Variants in ANKRD36 observed in about 807,000 individuals in gnomAD.
ANKRD36 encodes the protein ankyrin repeat domain 36, also known as ankyrin repeat domain-containing protein 36A.
In ANKRD36, 179 loss-of-function variants were observed where a neutral mutation model predicts 278.1. The observed-to-expected ratio is 0.64, with a 90% CI of 0.57 to 0.73. The LOEUF (loss-of-function observed/expected upper bound fraction) is 0.73. Ranked by LOEUF, ANKRD36 falls within the 30% of genes least tolerant of loss-of-function variation. The pLI is 0.00. For synonymous variants in ANKRD36, 320 were observed against 641.1 expected (o/e 0.50, Z 7.57); for missense variants, 1,159 against 1,956.7 (o/e 0.59, Z 7.69).
chr2:97,183,913 C>T (rs1165945174), intron 28 of ANKRD36, among the ~76,000 whole-genome samples: 1 of 151,402 alleles, frequency 6.6e-6, no homozygotes, highest in Non-Finnish European at 1.5e-5. Flanking sequence ...ATAAGAGGAT[C>T]GGAGGACAGC....
At chr2:97,159,977 G>A (rs1428899299) in intron 17 of ANKRD36, among the ~76,000 whole-genome samples, 1 of 152,250 alleles carries the variant, frequency 6.6e-6, no homozygotes. Context: ...TAGAGACGGG[G>A]TTTCACTGTG....
intron 68 of ANKRD36, among the ~76,000 whole-genome samples, chr2:97,240,963 TATGCAATCAC>T (rs2074220284): frequency 7.3e-6 from 1 of 136,906 alleles, no homozygotes; most frequent in South Asian, 3.0e-4. Flanking sequence ...CAAATTATCT[TATGCAATCAC>T]ATAACTATGT....
chr2:97,191,576 A>G (rs1231518123), intron 36 of ANKRD36, among the ~76,000 whole-genome samples: 1 of 151,638 alleles, frequency 6.6e-6, no homozygotes, highest in Admixed American at 6.6e-5. Context: ...AATAACCCAT[A>G]GACACTGTAG....
chr2:97,209,842 GA>G lies in ANKRD36; in HGVS notation c.3344del (p.Lys1115ArgfsTer17), dbSNP rs764622473. On this transcript the variant is annotated frameshift_variant, in exon 56 of 76. Coordinates refer to ENST00000420699, the MANE Select transcript of ANKRD36 (RefSeq NM_001354587.1). LOFTEE classifies it high-confidence loss of function. Reference protein sequence around the residue: ...EKDSVLYIAREKKDGEKSRTV... With the variant: ...EKDSVLYIARXKKDGEKSRTV... ...AGATTCTGTTTTGTATATAGCCAGA[GA>G]AAAAAAGGATGGAGAAAAATCTAGG... The G allele has an allele frequency of 1.6e-5, 25 of 1,591,702 alleles. No homozygotes were observed. The South Asian group carries it at 1.9e-4, about 12-fold the overall frequency.
chr2:97,226,576 G>A (rs2069719290), intron 67 of ANKRD36, among the ~76,000 whole-genome samples: 1 of 151,760 alleles, frequency 6.6e-6, no homozygotes. Context: ...GTTGTAGGTT[G>A]CCTGTTCACT....
chr2:97,197,740 T>C (rs1355537198), intron 42 of ANKRD36, among the ~76,000 whole-genome samples: 2 of 151,948 alleles, frequency 1.3e-5, no homozygotes, highest in Admixed American at 1.3e-4. Flanking sequence ...TTTTACTTTG[T>C]ATAGGTATGT....
chr2:97,125,914 A>G (rs2038502005), intron 5 of ANKRD36, among the ~76,000 whole-genome samples: 1 of 151,382 alleles, frequency 6.6e-6, no homozygotes, highest in Admixed American at 6.6e-5. Context: ...CTTTGGCAGC[A>G]CAAATACTAA....
chr2:97,182,703 T>C (rs1275860779), intron 26 of ANKRD36, among the ~76,000 whole-genome samples: 4 of 151,404 alleles, frequency 2.6e-5, no homozygotes, highest in Non-Finnish European at 1.5e-5. Flanking sequence ...AGGTTATTCA[T>C]ATCTAATGCT....
rs1334843055 is a variant in ANKRD36 at position 97,121,503 on chromosome 2, G to A, written c.487-1384G>A. On this transcript the variant is annotated intron_variant, in intron 3 of 75. Coordinates refer to ENST00000420699, the MANE Select transcript of ANKRD36 (RefSeq NM_001354587.1). ...CAAATACAAAAAATTAGCTGGGTGT[G>A]GTGGCACACTCCTGTAGTCCCAGCT... Among the ~76,000 whole-genome samples the A allele has an allele frequency of 7.2e-5, 11 of 152,198 alleles. No homozygotes were observed. In the East Asian group the frequency reaches 1.9e-3, roughly 27 times the overall value.
intron 67 of ANKRD36, among the ~76,000 whole-genome samples, chr2:97,230,253 T>A (rs551737505): frequency 0.017 from 2,604 of 151,478 alleles, 1 homozygote; most frequent in Non-Finnish European, 0.029. Context: ...GGTTCCATTC[T>A]CCCCGTGACT....
intron 24 of ANKRD36, among the ~76,000 whole-genome samples, chr2:97,180,822 A>G (rs1180324234): frequency 3.3e-5 from 5 of 151,718 alleles, no homozygotes; most frequent in Admixed American, 1.3e-4. Context: ...GTGATTTTCA[A>G]TGAATATTGG....
At position 97,208,678 on chromosome 2, in the gene ANKRD36, A is replaced by C. The variant is rs573241084; in HGVS notation, c.3265+672A>C. On this transcript the variant is annotated intron_variant, in intron 54 of 75. Coordinates refer to ENST00000420699, the MANE Select transcript of ANKRD36 (RefSeq NM_001354587.1). ...TTACTCCTCTTGGTTACTAGGAGGC[A>C]TCAGAGATACATGTTTTGTTGATTT... Among the ~76,000 whole-genome samples, 172 of 146,626 alleles carry C rather than the reference A, an allele frequency of 1.2e-3. 26 individuals are homozygous for C. The highest frequency in any genetic ancestry group is 3.5e-3 in the African/African-American group (133 of 37,788).
chr2:97,136,680 T>C (rs1395158743), intron 6 of ANKRD36, among the ~76,000 whole-genome samples: 5 of 151,658 alleles, frequency 3.3e-5, no homozygotes, highest in African/African-American at 1.2e-4. Flanking sequence ...TGCTGATGAT[T>C]GTTGTTGCGG....
rs780914648 is a variant in ANKRD36 at position 97,194,886 on chromosome 2, A to T, written c.2520A>T (p.Arg840Ser). The change falls in exon 40 of 76, where the codon AGA becomes AGT. Residue 840 changes from arginine to serine, a missense_variant. Arg to Ser is a moderately radical substitution (Grantham distance 110). Transcript: ENST00000420699. ...AGGATTCTTTTTCGAATATAACCAG[A>T]GGAAAAAAGGATGGAGAAATATCTA... ...DEKDSFSNITRGKKDGEISRK... is the reference protein window; with the variant it reads ...DEKDSFSNITSGKKDGEISRK... The T allele has an allele frequency of 6.4e-7, 1 of 1,566,698 alleles. No homozygotes were observed.
In ANKRD36 at chr2:97,140,996, A is replaced by G. The variant is rs541893403; in HGVS notation, c.800-1644A>G. The stretch of plus-strand genomic sequence containing the variant: ...TTTCTCCTCCCTAGAAGTTTTGCAC[A>G]TCAATGATATGTTCTTCGTTCACAT... On this transcript the variant is annotated intron_variant, in intron 6 of 75. Transcript: ENST00000420699. Among the ~76,000 whole-genome samples, 16 of 151,990 alleles carry G rather than the reference A, an allele frequency of 1.1e-4. No individual in the cohort carries two copies. In the South Asian group the frequency reaches 3.3e-3, roughly 32 times the overall value.
At chr2:97,164,531 T>G in intron 20 of ANKRD36, 62 bp downstream of exon 20, 1 of 1,505,560 alleles carries the variant, frequency 6.6e-7, no homozygotes, top group Non-Finnish European at 8.9e-7. Flanking sequence ...AAAATGCTCA[T>G]AGTTTTTTGA....
intron 50 of ANKRD36, among the ~76,000 whole-genome samples, chr2:97,205,661 C>T (rs1473567896): frequency 2.6e-5 from 4 of 151,470 alleles, no homozygotes; most frequent in Non-Finnish European, 4.4e-5. Context: ...TCTCATCACT[C>T]GGCCTAAGCA....
intron 64 of ANKRD36, among the ~76,000 whole-genome samples, chr2:97,218,468 T>C (rs2066525483): frequency 6.7e-6 from 1 of 149,426 alleles, no homozygotes; most frequent in Admixed American, 6.7e-5. Context: ...TTACACCACA[T>C]GGGCATGATA....
intron 66 of ANKRD36, among the ~76,000 whole-genome samples, chr2:97,222,663 G>A (rs1247787313): frequency 2.0e-5 from 3 of 152,102 alleles, no homozygotes; most frequent in South Asian, 2.1e-4. Context: ...CTATTTCTGA[G>A]CATGTTTCTA....
Sources: gnomAD v4.1 joint callset for allele counts (sites outside exome capture counted in the v4.1 genomes callset) on GRCh38, gnomAD v4.1.1 for gene constraint, MANE v1.5 for transcripts, NCBI Gene and HGNC (gene_info 2026-07-23, HGNC 2026-07-21) for gene names.